NHSL2: variants seen among roughly 807,000 people sequenced by gnomAD.
NHSL2 encodes the protein NHS like 2, also known as NHS-like protein 2.
A neutral mutation model predicts 53.4 loss-of-function variants in NHSL2; 27 were observed. The ratio of observed to expected loss-of-function variants is 0.51; its 90% CI spans 0.37 to 0.70. The LOEUF (loss-of-function observed/expected upper bound fraction) is 0.70. Among genes scored for constraint, NHSL2 ranks in the 30% least tolerant of loss-of-function variants. The pLI is 0.00. For missense variants in NHSL2, 892 were observed against 980.1 expected (o/e 0.91, Z 1.20); for synonymous variants, 408 against 404.1 (o/e 1.01, Z -0.12).
At chrX:71,987,780 C>T (rs1348285617) in intron 1 of NHSL2, among the ~76,000 whole-genome samples, 1 of 112,190 alleles carries the variant, frequency 8.9e-6, no homozygotes, top group Non-Finnish European at 1.9e-5. Context: ...ATTCCCTAAG[C>T]CAGGAATTGA....
chrX:72,100,915 T>G (rs758779774), intron 1 of NHSL2, among the ~76,000 whole-genome samples: 91 of 111,675 alleles, frequency 8.1e-4, no homozygotes, highest in African/African-American at 2.8e-3. Flanking sequence ...CACAGAGATA[T>G]AGAAAGAGCC....
intron 1 of NHSL2, among the ~76,000 whole-genome samples, chrX:71,996,212 C>A (rs776082680): frequency 8.8e-6 from 1 of 113,436 alleles, no homozygotes; most frequent in Non-Finnish European, 1.9e-5. Flanking sequence ...GCCCCCTGGG[C>A]ATGAGGGCAG....
chrX:72,104,108 T>G (rs946435378), intron 1 of NHSL2, among the ~76,000 whole-genome samples: 1 of 112,294 alleles, frequency 8.9e-6, no homozygotes, highest in African/African-American at 3.2e-5. Flanking sequence ...AGGCCACACA[T>G]CACAGTGGCA....
chrX:72,026,897 C>G (rs1440593812), intron 1 of NHSL2, among the ~76,000 whole-genome samples: 2 of 112,321 alleles, frequency 1.8e-5, no homozygotes, highest in Non-Finnish European at 3.8e-5. Context: ...GTACAGCATG[C>G]CAGGGTCAGA....
At chrX:72,131,093 G>T in intron 1 of NHSL2, 6 of 1,208,692 alleles carry the variant, frequency 5.0e-6, no homozygotes, top group Admixed American at 2.2e-5. Flanking sequence ...ATCTCAGGCC[G>T]CTCCAGCGGT....
At chrX:72,086,581 G>C (rs1192299725) in intron 1 of NHSL2, among the ~76,000 whole-genome samples, 2 of 108,351 alleles carry the variant, frequency 1.8e-5, no homozygotes, top group Non-Finnish European at 3.8e-5. Context: ...CTACTCGGGA[G>C]GCTGAGGCAG....
intron 1 of NHSL2, among the ~76,000 whole-genome samples, chrX:71,940,293 G>A (rs2041759564): frequency 8.9e-6 from 1 of 112,496 alleles, no homozygotes; most frequent in South Asian, 3.7e-4. Context: ...ACGAGAAATT[G>A]TTGGTGAGAC....
intron 1 of NHSL2, among the ~76,000 whole-genome samples, chrX:71,965,001 T>C (rs1025695540): frequency 8.9e-6 from 1 of 112,008 alleles, no homozygotes; most frequent in Non-Finnish European, 1.9e-5. Context: ...TGGTTGCATG[T>C]ATATGGAGAC....
chrX:72,140,112 G>A lies in NHSL2; in HGVS notation c.2564G>A (p.Arg855Lys). The A allele has an allele frequency of 8.3e-7, 1 of 1,208,664 alleles. No individual in the cohort carries two copies. The highest frequency in any genetic ancestry group is 2.2e-5 in the Admixed American group (1 of 45,698). ...AGCCCTGAGTATGCCGAGGAACCCAGAGCAGAAGAAGTCTTCACCTTGCCA... is the reference window on the plus strand; with the variant it reads ...AGCCCTGAGTATGCCGAGGAACCCAAAGCAGAAGAAGTCTTCACCTTGCCA... The part of the protein sequence containing the change: ...IESPEYAEEP[R>K]AEEVFTLPER... Residue 855 changes from arginine (R) to lysine (K), a missense_variant, in exon 6 of 8, where the codon AGA (arginine) becomes AAA (lysine). Arg to Lys is a conservative substitution (Grantham distance 26). Transcript: ENST00000633930.
In NHSL2 at chrX:72,132,182, T is replaced by G. The variant is rs1220785407; in HGVS notation, c.384T>G (p.Ser128Arg). 25 of 1,162,953 alleles carry G rather than the reference T, an allele frequency of 2.1e-5. No homozygotes were observed. Among genetic ancestry groups the G allele is most frequent in the Non-Finnish European group, 2.8e-5 (24 of 871,285 alleles). The change falls in exon 2 of 8, where the codon AGT (serine) becomes AGG (arginine). Residue 128 changes from serine (S) to arginine (R), a missense_variant. By Grantham distance (110) the Ser-to-Arg change is moderately radical. Coordinates refer to ENST00000633930, the MANE Select transcript of NHSL2 (RefSeq NM_001013627.3). ...TCCTCTCCTCGGGCAGGCCCCCGAG[T>G]GTAGAGGAGCTGCTTCGGGAGGCGC... ...NVFLSSGRPP[S>R]VEELLREAQL...
chrX:72,070,790 G>T (rs970056279), intron 1 of NHSL2, among the ~76,000 whole-genome samples: 1 of 110,391 alleles, frequency 9.1e-6, no homozygotes, highest in Admixed American at 9.6e-5. Context: ...CAGAGTCCAG[G>T]AGGAGCCTGC....
chrX:72,033,509 T>C (rs2042226770), intron 1 of NHSL2, among the ~76,000 whole-genome samples: 1 of 112,362 alleles, frequency 8.9e-6, no homozygotes, highest in Admixed American at 9.4e-5. Context: ...TTTACTACGT[T>C]GAGTCTTCCA....
chrX:71,954,009 G>A (rs1354757349), intron 1 of NHSL2, among the ~76,000 whole-genome samples: 2 of 112,204 alleles, frequency 1.8e-5, no homozygotes, highest in Non-Finnish European at 3.8e-5. Flanking sequence ...TACATGGGAA[G>A]CATTCATAAA....
chrX:72,140,292 C>G lies in NHSL2; in HGVS notation c.2744C>G (p.Pro915Arg), dbSNP rs370457403. The change falls in exon 6 of 8, where the codon CCA becomes CGA. Residue 915 changes from proline to arginine, a missense_variant. By Grantham distance (103) the Pro-to-Arg change is moderately radical. Transcript: ENST00000633930. ...AGGAGCTCAATTCAACATGCGAGAC[C>G]ACTCCCTCAAGACAGCTACACGGTA... Reference protein sequence around the residue: ...PPRSSIQHARPLPQDSYTVVR... With the variant: ...PPRSSIQHARRLPQDSYTVVR... 6.6e-6 allele frequency: 8 copies of G among 1,208,742 alleles called. No individual in the cohort carries two copies. Among genetic ancestry groups the G allele is most frequent in the Non-Finnish European group, 8.9e-6 (8 of 894,661 alleles).
At chrX:72,093,721 G>GCTTTCTTTCTTTCTTT (rs545225009) in intron 1 of NHSL2, among the ~76,000 whole-genome samples, 18 of 95,337 alleles carry the variant, frequency 1.9e-4, no homozygotes, top group East Asian at 1.5e-3. Context: ...TAGCTTGCTT[G>GCTTTCTTTCTTTCTTT]CTTTCTTTCT....
intron 1 of NHSL2, among the ~76,000 whole-genome samples, chrX:72,115,059 A>G (rs1185064377): frequency 9.0e-6 from 1 of 111,510 alleles, no homozygotes; most frequent in Non-Finnish European, 1.9e-5. Flanking sequence ...TTTTGTTAAT[A>G]TAGAAAGCTA....
intron 1 of NHSL2, chrX:72,069,660 C>T: frequency 2.1e-6 from 2 of 938,254 alleles, no homozygotes; most frequent in Non-Finnish European, 2.6e-6. Flanking sequence ...GCAGCGGCCG[C>T]CGCGGTGGCT....
At chrX:71,974,224 A>T (rs940529790) in intron 1 of NHSL2, among the ~76,000 whole-genome samples, 2 of 111,958 alleles carry the variant, frequency 1.8e-5, no homozygotes. Flanking sequence ...TGACAGTGGA[A>T]AAAAATTTTT....
chrX:71,998,793 A>G (rs2042060649), intron 1 of NHSL2, among the ~76,000 whole-genome samples: 1 of 111,158 alleles, frequency 9.0e-6, no homozygotes, highest in South Asian at 3.8e-4. Context: ...CAATGCCCTC[A>G]TGCCCCATGC....
Sources: gnomAD v4.1 joint callset for allele counts (sites outside exome capture counted in the v4.1 genomes callset) on GRCh38, gnomAD v4.1.1 for gene constraint, MANE v1.5 for transcripts, NCBI Gene and HGNC (gene_info 2026-07-23, HGNC 2026-07-21) for gene names.